The following ADGRG6 variants were observed in gnomAD, a reference collection of about 807,000 sequenced individuals.
The protein encoded by ADGRG6 is G-protein coupled receptor 126.
In ADGRG6, 84 loss-of-function variants were observed where a neutral mutation model predicts 142.4. That is an observed-to-expected ratio of 0.59 (90% confidence interval 0.49 to 0.71). ADGRG6 has a LOEUF of 0.71. ADGRG6 is among the 30% of genes least tolerant of loss of function. ADGRG6 has a pLI of 0.00. For synonymous variants in ADGRG6, 521 were observed against 520.5 expected (o/e 1.00, Z -0.01); for missense variants, 1,367 against 1,466.6 (o/e 0.93, Z 1.11).
chr6:142,371,726 C>T (rs1005166336), intron 4 of ADGRG6, among the ~76,000 whole-genome samples: 5 of 152,040 alleles, frequency 3.3e-5, no homozygotes, highest in East Asian at 1.9e-4. Context: ...ACCTCGTGAT[C>T]GGCCCACCTT....
intron 7 of ADGRG6, among the ~76,000 whole-genome samples, chr6:142,390,901 T>A (rs1222765063): frequency 6.6e-6 from 1 of 151,884 alleles, no homozygotes; most frequent in African/African-American, 2.4e-5. Context: ...AGTAGTATAC[T>A]TTACATACCG....
chr6:142,367,121 T>C (rs1243081381), intron 2 of ADGRG6, among the ~76,000 whole-genome samples: 1 of 152,192 alleles, frequency 6.6e-6, no homozygotes, highest in Non-Finnish European at 1.5e-5. Context: ...TTTGTAACAT[T>C]GAGCACTATC....
At chr6:142,367,151 C>T (rs946447589) in intron 2 of ADGRG6, among the ~76,000 whole-genome samples, 3 of 152,044 alleles carry the variant, frequency 2.0e-5, no homozygotes, top group Admixed American at 6.6e-5. Context: ...CTATAACCCC[C>T]GCCACCCCAG....
At position 142,381,957 on chromosome 6, in the gene ADGRG6, A is replaced by G; in HGVS notation, c.1076A>G (p.Tyr359Cys). Residue 359 changes from tyrosine (Y) to cysteine (C), a missense_variant, in exon 5 of 25, where the codon TAC (tyrosine) becomes TGC (cysteine). This residue lies in a region of ADGRG6 where 737 missense variants were observed against 746.5 expected (regional missense o/e 0.99). Transcript: ENST00000367609. The stretch of plus-strand genomic sequence containing the variant: ...TCTTTTTGTGTTGATCAAGGTTCCT[A>G]CCTGATCCCGCTCCCAGCAGCAGAA... The part of the protein sequence containing the change: ...KAESNLSCGS[Y>C]LIPLPAAELA... 1 of 1,595,660 alleles carries G rather than the reference A, an allele frequency of 6.3e-7. No individual in the cohort carries two copies. Among genetic ancestry groups the G allele is most frequent in the Non-Finnish European group, 8.6e-7 (1 of 1,167,384 alleles).
intron 2 of ADGRG6, among the ~76,000 whole-genome samples, chr6:142,362,131 T>C (rs985872399): frequency 1.2e-4 from 18 of 152,322 alleles, no homozygotes; most frequent in African/African-American, 3.8e-4. Context: ...GTGTGGTGCA[T>C]GTGGGTATCT....
At chr6:142,337,262 A>C (rs1779361546) in intron 2 of ADGRG6, among the ~76,000 whole-genome samples, 1 of 152,250 alleles carries the variant, frequency 6.6e-6, no homozygotes, top group Non-Finnish European at 1.5e-5. Context: ...AAAGCCTGCC[A>C]TTAAGGGTGA....
intron 1 of ADGRG6, among the ~76,000 whole-genome samples, chr6:142,303,226 G>C (rs569351773): frequency 7.9e-5 from 12 of 152,116 alleles, no homozygotes; most frequent in Admixed American, 1.3e-4. Context: ...ACTAACTCAT[G>C]TACAACAATT....
At chr6:142,325,966 C>T (rs1195270555) in intron 2 of ADGRG6, among the ~76,000 whole-genome samples, 1 of 151,500 alleles carries the variant, frequency 6.6e-6, no homozygotes, top group Non-Finnish European at 1.5e-5. Context: ...GAAAAAAAAC[C>T]CACCTAAAAT....
intron 2 of ADGRG6, among the ~76,000 whole-genome samples, chr6:142,337,488 A>G (rs1443900870): frequency 2.6e-5 from 4 of 152,246 alleles, no homozygotes; most frequent in South Asian, 2.1e-4. Flanking sequence ...GGGGAACTTT[A>G]TCTTTTTCCA....
At chr6:142,439,060 G>C (rs1777620968) in intron 24 of ADGRG6, among the ~76,000 whole-genome samples, 1 of 152,160 alleles carries the variant, frequency 6.6e-6, no homozygotes, top group South Asian at 2.1e-4. Flanking sequence ...CTGAGATGGT[G>C]GGATTGCTTG....
chr6:142,348,963 G>A (rs553307209), intron 2 of ADGRG6, among the ~76,000 whole-genome samples: 14 of 152,124 alleles, frequency 9.2e-5, no homozygotes, highest in African/African-American at 2.6e-4. Context: ...GCCTAAAGAG[G>A]GTTCTAAAAT....
intron 2 of ADGRG6, among the ~76,000 whole-genome samples, chr6:142,316,931 G>T (rs922548327): frequency 1.3e-5 from 2 of 151,952 alleles, no homozygotes; most frequent in African/African-American, 4.8e-5. Context: ...GCTCATCAGA[G>T]GTCAATATTA....
At chr6:142,350,059 T>G (rs1318746993) in intron 2 of ADGRG6, among the ~76,000 whole-genome samples, 2 of 152,212 alleles carry the variant, frequency 1.3e-5, no homozygotes, top group Admixed American at 6.5e-5. Flanking sequence ...CTTACAGACT[T>G]GATTGCATAA....
At chr6:142,314,276 G>T (rs899483255) in intron 2 of ADGRG6, among the ~76,000 whole-genome samples, 1 of 152,186 alleles carries the variant, frequency 6.6e-6, no homozygotes, top group East Asian at 1.9e-4. Context: ...TGTCACCACA[G>T]TGACAATCTC....
intron 4 of ADGRG6, among the ~76,000 whole-genome samples, chr6:142,377,849 A>G (rs1287352507): frequency 4.6e-5 from 7 of 152,212 alleles, no homozygotes; most frequent in Non-Finnish European, 7.3e-5. Context: ...TGTGTTTGTA[A>G]TGCAAGTTTT....
At chr6:142,410,704 C>T (rs186034247) in intron 17 of ADGRG6, among the ~76,000 whole-genome samples, 1 of 152,034 alleles carries the variant, frequency 6.6e-6, no homozygotes, top group Admixed American at 6.6e-5. Flanking sequence ...TTGAGAAGAT[C>T]TTTACTCATT....
chr6:142,325,369 G>A lies in ADGRG6; in HGVS notation c.103+15725G>A, dbSNP rs184023857. 1.6e-4 allele frequency among the ~76,000 whole-genome samples: 24 copies of A among 152,168 alleles called. No individual in the cohort carries two copies. The East Asian group carries it at 3.9e-3, about 24-fold the overall frequency. On this transcript the variant is annotated intron_variant, in intron 2 of 24. Transcript: ENST00000367609. ...CCTTCCTATTCTTTACATCTCCCAC[G>A]AGGCTTGTAGCTTAGCAGAATCTTG...
intron 2 of ADGRG6, among the ~76,000 whole-genome samples, chr6:142,365,549 T>C (rs1290904593): frequency 2.0e-5 from 3 of 152,124 alleles, no homozygotes. Flanking sequence ...GTAACACAAG[T>C]CCTCTGAATA....
rs555041560 is a variant in ADGRG6 at position 142,404,243 on chromosome 6, G to A, written c.2127+270G>A. 2.3e-4 allele frequency: 93 copies of A among 403,224 alleles called. No individual in the cohort carries two copies. In the South Asian group the frequency reaches 2.5e-3, roughly 11 times the overall value. The allele number at this position is 403,224 out of a possible 1,614,324, so 25.0% of individuals were successfully genotyped here. On this transcript the variant is annotated intron_variant, in intron 14 of 24. Transcript: ENST00000367609. ...GCATGAGTAGGGGCCACCATACTTG[G>A]GGTGAGCATCAGTTCAGTTAGAGGA...
Sources: allele counts gnomAD v4.1 joint callset (sites outside exome capture counted in the v4.1 genomes callset), GRCh38; gene constraint gnomAD v4.1.1; regional missense constraint gnomAD v4.1.1; transcripts MANE v1.5; gene names NCBI Gene and HGNC (gene_info 2026-07-23, HGNC 2026-07-21).